SLC20A2: variants seen among roughly 807,000 people sequenced by gnomAD.
SLC20A2 encodes the protein sodium-dependent phosphate transporter 2.
Under a neutral mutation model 61.0 loss-of-function variants are expected in SLC20A2, and 30 were observed. The observed-to-expected ratio is 0.49, with a 90% CI of 0.37 to 0.67. SLC20A2 has a LOEUF of 0.67. Among genes scored for constraint, SLC20A2 ranks in the 30% least tolerant of loss-of-function variants. The pLI is 0.00. For synonymous variants in SLC20A2, 351 were observed against 353.3 expected (o/e 0.99, Z 0.07); for missense variants, 626 against 866.4 (o/e 0.72, Z 3.48).
intron 1 of SLC20A2, among the ~76,000 whole-genome samples, chr8:42,520,061 T>C (rs549680191): frequency 6.3e-5 from 9 of 142,360 alleles, no homozygotes; most frequent in Admixed American, 2.2e-4. Context: ...TTGCCTAGGC[T>C]GGAGTGTAGT....
intron 5 of SLC20A2, among the ~76,000 whole-genome samples, chr8:42,449,000 C>T (rs1394646552): frequency 1.3e-5 from 2 of 152,202 alleles, no homozygotes; most frequent in Non-Finnish European, 1.5e-5. Context: ...AGATTCAGCA[C>T]AGGACAGCGC....
At chr8:42,484,093 G>A (rs920158829) in intron 1 of SLC20A2, among the ~76,000 whole-genome samples, 2 of 152,142 alleles carry the variant, frequency 1.3e-5, no homozygotes, top group African/African-American at 4.8e-5. Context: ...CATATTTCTT[G>A]TTATCATTCC....
chr8:42,527,223 G>A (rs1028424284), intron 1 of SLC20A2, among the ~76,000 whole-genome samples: 6 of 151,768 alleles, frequency 4.0e-5, no homozygotes, highest in African/African-American at 1.4e-4. Flanking sequence ...TACCAACATG[G>A]TGAAACCCCG....
intron 1 of SLC20A2, among the ~76,000 whole-genome samples, chr8:42,520,008 CT>C (rs557576151): frequency 2.3e-3 from 231 of 102,664 alleles, no homozygotes; most frequent in African/African-American, 6.6e-3. Flanking sequence ...TTATGCTAAT[CT>C]TTTTTTTTTT....
At chr8:42,532,828 G>A (rs1445742883) in intron 1 of SLC20A2, among the ~76,000 whole-genome samples, 2 of 152,172 alleles carry the variant, frequency 1.3e-5, no homozygotes, top group African/African-American at 4.8e-5. Context: ...GACCACAGGC[G>A]AGGGTGAAGT....
At chr8:42,489,611 A>C (rs1003190945) in intron 1 of SLC20A2, among the ~76,000 whole-genome samples, 2 of 152,190 alleles carry the variant, frequency 1.3e-5, no homozygotes, top group Non-Finnish European at 2.9e-5. Context: ...TTGAACTATT[A>C]ATGATTCTCT....
intron 8 of SLC20A2, among the ~76,000 whole-genome samples, chr8:42,431,912 T>C (rs952407509): frequency 1.1e-4 from 16 of 152,234 alleles, no homozygotes; most frequent in Non-Finnish European, 4.4e-5. Flanking sequence ...TTTCAAAATA[T>C]TACTGCTCAT....
In SLC20A2 at chr8:42,509,561, C is replaced by T. The variant is rs570935885; in HGVS notation, c.-265+32260G>A. On this transcript the variant is annotated intron_variant, in intron 1 of 10. Transcript: ENST00000342228. ...CAGTCTGGGCAACATAGTGAGATTT[C>T]GTCTCTAAAAATAAAAAAAAAATTA... 1.5e-4 allele frequency among the ~76,000 whole-genome samples: 23 copies of T among 151,626 alleles called. No individual in the cohort carries two copies. The South Asian group carries it at 1.7e-3, about 11-fold the overall frequency.
intron 5 of SLC20A2, among the ~76,000 whole-genome samples, chr8:42,453,623 CTTACATAAAAATAAGA>C (rs1462231276): frequency 6.6e-6 from 1 of 152,124 alleles, no homozygotes; most frequent in Non-Finnish European, 1.5e-5. Flanking sequence ...ACCTTCAAGG[CTTACATAAAAATAAGA>C]TTTTGACTCA....
intron 5 of SLC20A2, among the ~76,000 whole-genome samples, chr8:42,452,906 G>A (rs992927591): frequency 3.3e-5 from 5 of 152,270 alleles, no homozygotes; most frequent in African/African-American, 1.2e-4. Flanking sequence ...ACATTAGAAC[G>A]GTAATGAGGA....
chr8:42,472,505 G>C lies in SLC20A2; in HGVS notation c.-115C>G, dbSNP rs912139306. ...TCTTGTAAACAGTGAGTTTGCTCTG[G>C]AAAGTGCTGGACAATGTTAGAGGCT... On this transcript the variant is annotated 5_prime_UTR_variant, in exon 2 of 11. Transcript: ENST00000520262. The surrounding 1 kb of genome is among the most constrained non-coding windows in gnomAD (Gnocchi z 4.1). 12 of 936,466 alleles carry C rather than the reference G, an allele frequency of 1.3e-5. No homozygotes were observed. Among genetic ancestry groups the C allele is most frequent in the Middle Eastern group, 5.6e-4 (2 of 3,554 alleles). The allele number at this position is 936,466 out of a possible 1,614,324, so 58.0% of individuals were successfully genotyped here.
chr8:42,538,166 C>A (rs1395063381), intron 1 of SLC20A2: 1 of 150,946 alleles, frequency 6.6e-6, no homozygotes, highest in African/African-American at 2.4e-5. Flanking sequence ...TTGATGTTTC[C>A]CCACGGTATG....
chr8:42,504,886 AG>A (rs759701260), upstream of SLC20A2, among the ~76,000 whole-genome samples: 115 of 141,764 alleles, frequency 8.1e-4, 1 homozygote, highest in Non-Finnish European at 1.4e-3. Context: ...AAAAAAAAAA[AG>A]GCATGTTCCA....
intron 6 of SLC20A2, among the ~76,000 whole-genome samples, chr8:42,441,634 A>G (rs1036373722): frequency 5.8e-5 from 8 of 138,644 alleles, no homozygotes; most frequent in African/African-American, 2.8e-5. Context: ...ACGCCCAGCT[A>G]ATTTTTGTAT....
At chr8:42,500,028 C>T (rs541474664) in intron 1 of SLC20A2, among the ~76,000 whole-genome samples, 2 of 152,188 alleles carry the variant, frequency 1.3e-5, no homozygotes, top group Non-Finnish European at 2.9e-5. Flanking sequence ...AAGTCTTTAA[C>T]TAAATCTTTT....
chr8:42,417,878 C>G lies in SLC20A2; in HGVS notation c.1884G>C (p.Val628=), dbSNP rs1459484798. ...TGAACAGCCCAGCCACAGGGACGGT[C>G]ACGAACCAGGCCACGAAGATGTTCC... ...LFRNIFVAWF[V]TVPVAGLFSA... is the part of the protein sequence containing the mutation. Residue 628 remains valine (V), a synonymous_variant, in exon 11 of 11, where the codon GTG becomes GTC. Transcript: ENST00000520262. The G allele has an allele frequency of 1.9e-6, 3 of 1,614,124 alleles. 1 individual carries two copies. In the Admixed American group the frequency reaches 5.0e-5, roughly 27 times the overall value.
chr8:42,504,683 A>G (rs1025860373), upstream of SLC20A2, among the ~76,000 whole-genome samples: 21 of 151,346 alleles, frequency 1.4e-4, no homozygotes, highest in African/African-American at 5.1e-4. Flanking sequence ...CTCTACTAAA[A>G]ATACAAAAAA....
intron 7 of SLC20A2, 51 bp downstream of exon 7, chr8:42,439,399 G>C (rs1804583971): frequency 1.3e-6 from 2 of 1,583,602 alleles, no homozygotes; most frequent in Non-Finnish European, 1.7e-6. Flanking sequence ...GTCCTCCCCA[G>C]GGAACTTCTC....
At chr8:42,462,911 C>T in intron 4 of SLC20A2, 94 bp downstream of exon 4, 1 of 669,210 alleles carries the variant, frequency 1.5e-6, no homozygotes. Flanking sequence ...TGTATGAATA[C>T]AATTATTCCT....
Sources: allele counts gnomAD v4.1 joint callset (sites outside exome capture counted in the v4.1 genomes callset), GRCh38; gene constraint gnomAD v4.1.1; non-coding constraint Gnocchi (gnomAD v3.1); transcripts MANE v1.5; gene names NCBI Gene and HGNC (gene_info 2026-07-23, HGNC 2026-07-21).